The following NUS1 variants were observed in gnomAD, a reference collection of about 807,000 sequenced individuals.
NUS1 encodes dehydrodolichyl diphosphate synthase complex subunit NUS1.
For synonymous variants in NUS1, 135 were observed against 155.2 expected, an observed-to-expected ratio of 0.87 and a Z score of 0.97; for missense variants, 292 against 382.9, an observed-to-expected ratio of 0.76 and a Z score of 1.98.
intron 1 of NUS1, among the ~76,000 whole-genome samples, chr6:117,690,572 CCTT>C (rs1173213386): frequency 2.0e-5 from 3 of 152,112 alleles, no homozygotes; most frequent in Non-Finnish European, 4.4e-5. Flanking sequence ...CTTTTGAACT[CCTT>C]CTGTGTCATC....
chr6:117,701,844 C>G (rs1480999465), intron 3 of NUS1, among the ~76,000 whole-genome samples: 1 of 150,800 alleles, frequency 6.6e-6, no homozygotes, highest in Non-Finnish European at 1.5e-5. Flanking sequence ...TGTCTCTGCT[C>G]AGGTTTTTTT....
At chr6:117,689,041 G>A (rs577343668) in intron 1 of NUS1, among the ~76,000 whole-genome samples, 11 of 152,260 alleles carry the variant, frequency 7.2e-5, no homozygotes, top group African/African-American at 2.2e-4. Context: ...TATTTAGGGT[G>A]AAAAGAAGAA....
chr6:117,693,652 T>TTTA (rs1773275840), intron 2 of NUS1, among the ~76,000 whole-genome samples: 1 of 152,202 alleles, frequency 6.6e-6, no homozygotes, highest in Admixed American at 6.5e-5. Flanking sequence ...TTTCTTAGTC[T>TTTA]TTATTTTTTC....
chr6:117,686,807 G>A (rs559322929), intron 1 of NUS1, among the ~76,000 whole-genome samples: 2 of 151,570 alleles, frequency 1.3e-5, no homozygotes, highest in East Asian at 3.9e-4. Context: ...TTTAGTCAAA[G>A]CCAACCTTAT....
intron 3 of NUS1, among the ~76,000 whole-genome samples, chr6:117,699,757 A>G (rs1434358608): frequency 1.3e-5 from 2 of 152,194 alleles, no homozygotes; most frequent in Non-Finnish European, 2.9e-5. Context: ...CAGTTATACT[A>G]CAGAGCTATA....
chr6:117,684,548 C>A (rs992834280), intron 1 of NUS1, among the ~76,000 whole-genome samples: 2 of 152,122 alleles, frequency 1.3e-5, no homozygotes, highest in African/African-American at 4.8e-5. Flanking sequence ...GCGAGGTGAT[C>A]TTTTTTTGAT....
intron 3 of NUS1, among the ~76,000 whole-genome samples, chr6:117,701,438 G>A (rs1019600762): frequency 1.3e-5 from 2 of 151,804 alleles, no homozygotes; most frequent in Admixed American, 6.6e-5. Context: ...TAGAGATGAG[G>A]TTTCACTGTG....
At chr6:117,694,354 A>ATTT (rs1773286223) in intron 3 of NUS1, among the ~76,000 whole-genome samples, 174 bp downstream of exon 3, 4 of 152,154 alleles carry the variant, frequency 2.6e-5, no homozygotes, top group African/African-American at 9.7e-5. Flanking sequence ...ACCTATGTAA[A>ATTT]AATGGTTTCG....
rs1257608996 is a variant in NUS1, at chr6:117,707,275, A to G, written c.*260A>G. Reference sequence around the variant, plus strand: ...GGAGAAGGAAATACATAGACCTACAACTTTGAGCAAATAGCAGTGATGTTT... The same window carrying G: ...GGAGAAGGAAATACATAGACCTACAGCTTTGAGCAAATAGCAGTGATGTTT... On this transcript the variant is annotated 3_prime_UTR_variant, in exon 5 of 5. Transcript: ENST00000368494. 1 of 364,458 alleles carries G rather than the reference A, an allele frequency of 2.7e-6. No homozygotes were observed. Among genetic ancestry groups the G allele is most frequent in the African/African-American group, 2.1e-5 (1 of 47,854 alleles). The allele number at this position is 364,458 out of a possible 1,614,324, so 22.6% of individuals were successfully genotyped here. A position where few individuals can be genotyped will look rare whatever the true frequency, so the allele number is the denominator to read the frequency against.
intron 1 of NUS1, among the ~76,000 whole-genome samples, chr6:117,680,042 G>C (rs926593122): frequency 1.6e-4 from 24 of 152,148 alleles, no homozygotes; most frequent in African/African-American, 5.1e-4. Flanking sequence ...GTTGGATCTA[G>C]ATAACAACAT....
intron 1 of NUS1, 22 bp downstream of exon 1, chr6:117,676,107 G>A (rs1279094262): frequency 6.5e-7 from 1 of 1,550,152 alleles, no homozygotes; most frequent in Non-Finnish European, 8.7e-7. Flanking sequence ...TGCGGTGGTG[G>A]GGGGTGGCCG....
intron 4 of NUS1, among the ~76,000 whole-genome samples, chr6:117,704,834 A>G (rs1389849443): frequency 1.3e-5 from 2 of 152,166 alleles, no homozygotes; most frequent in Non-Finnish European, 2.9e-5. Flanking sequence ...TTCATTTTTG[A>G]AGGGAAGATG....
intron 1 of NUS1, among the ~76,000 whole-genome samples, chr6:117,684,067 T>A (rs557810874): frequency 6.6e-6 from 1 of 152,330 alleles, no homozygotes; most frequent in South Asian, 2.1e-4. Flanking sequence ...TTCCAAATGT[T>A]GTGGTGTCCT....
intron 1 of NUS1, among the ~76,000 whole-genome samples, chr6:117,677,608 T>A (rs750328783): frequency 1.3e-5 from 2 of 152,238 alleles, no homozygotes; most frequent in Non-Finnish European, 2.9e-5. Flanking sequence ...AGGGAAGGCA[T>A]AGGCCAGACA....
At chr6:117,697,681 A>AAG (rs891517008) in intron 3 of NUS1, among the ~76,000 whole-genome samples, 13 of 142,118 alleles carry the variant, frequency 9.1e-5, no homozygotes, top group South Asian at 2.4e-4. Flanking sequence ...GAGCTAAAGA[A>AAG]AGAGAGAGAG....
At chr6:117,701,813 A>G (rs554538480) in intron 3 of NUS1, among the ~76,000 whole-genome samples, 104 of 152,162 alleles carry the variant, frequency 6.8e-4, no homozygotes, top group Non-Finnish European at 9.9e-4. Context: ...CATGTTGTCT[A>G]TAAATAAAGA....
At chr6:117,702,142 C>T (rs761648593) in intron 3 of NUS1, among the ~76,000 whole-genome samples, 48 of 152,180 alleles carry the variant, frequency 3.2e-4, no homozygotes, top group Admixed American at 6.5e-5. Flanking sequence ...TCCTGGATCT[C>T]ACTGTTAAAT....
chr6:117,700,262 A>C (rs191580999), intron 3 of NUS1, among the ~76,000 whole-genome samples: 1 of 152,244 alleles, frequency 6.6e-6, no homozygotes, highest in Non-Finnish European at 1.5e-5. Flanking sequence ...ATTAATAACT[A>C]GAATACATAA....
In NUS1 at chr6:117,710,213, C is replaced by T. The variant is rs1773556052; in HGVS notation, c.*3198C>T. Reference sequence around the variant, plus strand: ...CTTATGCTGCATAGACTATTCACCTCCTAACTTGAAGGTCTAATCATAAGA... The same window carrying T: ...CTTATGCTGCATAGACTATTCACCTTCTAACTTGAAGGTCTAATCATAAGA... On this transcript the variant is annotated 3_prime_UTR_variant, in exon 5 of 5. Coordinates refer to ENST00000368494, the MANE Select transcript of NUS1 (RefSeq NM_138459.5). 1 of 152,022 alleles carries T rather than the reference C, an allele frequency of 6.6e-6. No individual in the cohort carries two copies. Among genetic ancestry groups the T allele is most frequent in the African/African-American group, 2.4e-5 (1 of 41,334 alleles). The allele number at this position is 152,022 out of a possible 1,614,324, so 9.4% of individuals were successfully genotyped here.
Sources: allele counts gnomAD v4.1 joint callset (sites outside exome capture counted in the v4.1 genomes callset), GRCh38; gene constraint gnomAD v4.1.1; transcripts MANE v1.5; gene names NCBI Gene and HGNC (gene_info 2026-07-23, HGNC 2026-07-21).